TTLL5: variants seen among roughly 807,000 people sequenced by gnomAD.
TTLL5 encodes tubulin polyglutamylase TTLL5.
A neutral mutation model predicts 168.4 loss-of-function variants in TTLL5; 132 were observed. That is an observed-to-expected ratio of 0.78 (90% confidence interval 0.68 to 0.91). The LOEUF is 0.91. TTLL5 is among the 40% of genes least tolerant of loss of function. The probability of loss-of-function intolerance (pLI) is 0.00; values close to 1 mark genes in which losing one functional copy is unlikely to be tolerated. For missense variants in TTLL5, 1,545 were observed against 1,581.5 expected (o/e 0.98, Z 0.39); for synonymous variants, 546 against 558.6 (o/e 0.98, Z 0.32).
intron 28 of TTLL5, 78 bp from the exon 29 acceptor site, chr14:75,863,589 C>A: frequency 7.3e-7 from 1 of 1,365,578 alleles, no homozygotes; most frequent in Admixed American, 2.4e-5. Context: ...GGAAAAATAC[C>A]TGAGATATTT....
chr14:75,907,195 T>C (rs1426645365), intron 31 of TTLL5, among the ~76,000 whole-genome samples: 1 of 152,170 alleles, frequency 6.6e-6, no homozygotes, highest in Non-Finnish European at 1.5e-5. Flanking sequence ...TTTGCTGAGT[T>C]ACTTAAATAA....
At chr14:75,858,279 T>G (rs923204660) in intron 28 of TTLL5, among the ~76,000 whole-genome samples, 5 of 152,226 alleles carry the variant, frequency 3.3e-5, no homozygotes, top group Admixed American at 3.3e-4. Context: ...TTAGCACAGA[T>G]CCAGGCAATG....
At chr14:75,931,615 C>A (rs977236240) in intron 31 of TTLL5, among the ~76,000 whole-genome samples, 1 of 152,174 alleles carries the variant, frequency 6.6e-6, no homozygotes, top group Admixed American at 6.5e-5. Context: ...GACTATGATG[C>A]TTCCCCACTA....
chr14:75,935,361 G>A (rs1375152366), intron 31 of TTLL5, among the ~76,000 whole-genome samples: 5 of 152,174 alleles, frequency 3.3e-5, no homozygotes, highest in African/African-American at 7.2e-5. Context: ...ACATCTCCAC[G>A]TATTCAGCTG....
chr14:75,901,457 A>G (rs2032918198), intron 30 of TTLL5, among the ~76,000 whole-genome samples: 2 of 152,350 alleles, frequency 1.3e-5, no homozygotes, highest in Middle Eastern at 6.8e-3. Context: ...ATACTCTGTC[A>G]TATCTCTTGT....
chr14:75,732,881 C>A (rs913153133), intron 13 of TTLL5, among the ~76,000 whole-genome samples: 21 of 152,096 alleles, frequency 1.4e-4, no homozygotes, highest in Non-Finnish European at 2.9e-4. Flanking sequence ...AGTTTAAAGT[C>A]AAAAACTTCA....
chr14:75,936,158 C>T lies in TTLL5; in HGVS notation c.3824-18266C>T, dbSNP rs567699329. Among the ~76,000 whole-genome samples the T allele has an allele frequency of 1.1e-4, 16 of 151,712 alleles. No homozygotes were observed. The East Asian group carries it at 3.1e-3, about 29-fold the overall frequency. On this transcript the variant is annotated intron_variant, in intron 31 of 31. Coordinates refer to ENST00000298832, the MANE Select transcript of TTLL5 (RefSeq NM_015072.5). ...AATTTTTACATAGTTTTTTTTTTCA[C>T]TTAATCATCACAACAATCATATGAG...
rs570142711 is a variant in TTLL5, at chr14:75,759,658, C to G, written c.1551-4957C>G. On this transcript the variant is annotated intron_variant, in intron 18 of 31. Coordinates refer to ENST00000298832, the MANE Select transcript of TTLL5 (RefSeq NM_015072.5). The stretch of plus-strand genomic sequence containing the variant: ...CTTAATACTAGCAAATCTAATCTGC[C>G]ATTATAAAAAGGATAATACATATGA... Among the ~76,000 whole-genome samples the G allele has an allele frequency of 8.5e-5, 13 of 152,062 alleles. No homozygotes were observed. The South Asian group carries it at 2.7e-3, about 32-fold the overall frequency.
At chr14:75,822,844 C>T (rs1171822783) in intron 28 of TTLL5, among the ~76,000 whole-genome samples, 2 of 152,144 alleles carry the variant, frequency 1.3e-5, no homozygotes. Context: ...GTCTGGAGTC[C>T]TATTCAGGCT....
intron 31 of TTLL5, among the ~76,000 whole-genome samples, chr14:75,937,121 C>CTTT (rs2034455710): frequency 1.3e-5 from 1 of 75,896 alleles, no homozygotes; most frequent in African/African-American, 5.7e-5. Flanking sequence ...AGTACATTTA[C>CTTT]ATTTTTTTTT....
chr14:75,909,394 C>T (rs2033277631), intron 31 of TTLL5, among the ~76,000 whole-genome samples: 1 of 150,582 alleles, frequency 6.6e-6, no homozygotes, highest in Admixed American at 6.7e-5. Flanking sequence ...GTTTAATTGC[C>T]CTGCCTTGCC....
rs1230300065 is a variant in TTLL5 at position 75,707,219 on chromosome 14, C to G, written c.655+132C>G. On this transcript the variant is annotated intron_variant, in intron 8 of 31. Coordinates refer to ENST00000298832, the MANE Select transcript of TTLL5 (RefSeq NM_015072.5). ...CTTGACATGTGTGGCTCCAGAAAGG[C>G]AGCAGGTTCCTTACCTATCTCACGG... 4.3e-6 allele frequency: 3 copies of G among 692,520 alleles called. No homozygotes were observed. The African/African-American group carries it at 5.4e-5, about 13-fold the overall frequency. 42.9% of individuals were successfully genotyped at this position (692,520 alleles called of 1,614,324 possible).
chr14:75,874,934 T>C (rs6574255), intron 29 of TTLL5, among the ~76,000 whole-genome samples: 62 of 6,188 alleles, frequency 0.01, 1 homozygote, highest in South Asian at 0.019. Flanking sequence ...ACTGGGGGCC[T>C]TTTTTTTTTT....
At chr14:75,744,658 C>G (rs910009952) in intron 15 of TTLL5, 2 of 153,628 alleles carry the variant, frequency 1.3e-5, no homozygotes, top group African/African-American at 4.8e-5. Flanking sequence ...GGTTTTGTGT[C>G]TTATGTCTCA....
rs373164064 is a variant in TTLL5, at chr14:75,775,581, G to A, written c.2234G>A (p.Arg745Lys). 2.1e-5 allele frequency: 34 copies of A among 1,613,998 alleles called. No homozygotes were observed. The East Asian group carries it at 2.5e-4, about 12-fold the overall frequency. Residue 745 changes from arginine to lysine, a missense_variant, in exon 22 of 32, where the codon AGA becomes AAA. Transcript: ENST00000298832. ...PSRRLALLER[R>K]RILAHQLGDF... ...CGACGATTGGCACTTCTGGAACGCAGAAGAATCCTGGCCCACCAGCTGGGT... is the reference window on the plus strand; with the variant it reads ...CGACGATTGGCACTTCTGGAACGCAAAAGAATCCTGGCCCACCAGCTGGGT...
intron 26 of TTLL5, among the ~76,000 whole-genome samples, chr14:75,792,330 A>T (rs1892773705): frequency 1.3e-5 from 2 of 151,776 alleles, no homozygotes; most frequent in South Asian, 4.2e-4. Context: ...TATGTAACAA[A>T]CCTGCACGTT....
At chr14:75,840,136 A>C (rs1896139946) in intron 28 of TTLL5, among the ~76,000 whole-genome samples, 1 of 151,954 alleles carries the variant, frequency 6.6e-6, no homozygotes, top group African/African-American at 2.4e-5. Flanking sequence ...CCAAGAAATC[A>C]TTGCCAAATC....
intron 15 of TTLL5, among the ~76,000 whole-genome samples, chr14:75,739,513 C>T (rs560366819): frequency 2.6e-5 from 4 of 152,240 alleles, no homozygotes; most frequent in Admixed American, 2.6e-4. Context: ...TCTGCCTTTT[C>T]CTTTTTAAAC....
intron 3 of TTLL5, among the ~76,000 whole-genome samples, chr14:75,669,808 TTG>T (rs1158725380): frequency 6.6e-6 from 1 of 152,234 alleles, no homozygotes; most frequent in East Asian, 1.9e-4. Flanking sequence ...CAAGTCGTTG[TTG>T]TTTAGTACAT....
Sources: gnomAD v4.1 joint callset for allele counts (sites outside exome capture counted in the v4.1 genomes callset) on GRCh38, gnomAD v4.1.1 for gene constraint, MANE v1.5 for transcripts, NCBI Gene and HGNC (gene_info 2026-07-23, HGNC 2026-07-21) for gene names.